Variants in ACCSL observed in about 807,000 individuals in gnomAD.
ACCSL encodes 1-aminocyclopropane-1-carboxylate synthase homolog (inactive) like.
ACCSL carries 55 observed loss-of-function variants against 61.7 expected under a neutral mutation model. That is an observed-to-expected ratio of 0.89 (90% CI 0.72 to 1.12). The LOEUF (loss-of-function observed/expected upper bound fraction) is 1.12, where lower values mean the gene tolerates loss of function less well. Among genes scored for constraint, ACCSL ranks in the 50% most tolerant of loss-of-function variants. ACCSL has a pLI of 0.00. For synonymous variants in ACCSL, 258 were observed against 264.3 expected, an observed-to-expected ratio of 0.98 and a Z score of 0.23; for missense variants, 632 against 698.0, an observed-to-expected ratio of 0.91 and a Z score of 1.07.
At position 44,048,405 on chromosome 11, in the gene ACCSL, G is replaced by C. The variant is rs750473048; in HGVS notation, c.369G>C (p.Leu123=). Residue 123 remains leucine, a synonymous_variant, in exon 1 of 14, where the codon CTG becomes CTC. Transcript: ENST00000378832. ...LSGQPDPVPQ[L]SDCEAAFVNR... ...GGCAGCCTGATCCAGTTCCCCAACT[G>C]AGTGATTGTGAAGCTGCCTTTGTCA... 6.2e-7 allele frequency: 1 copy of C among 1,614,192 alleles called. No homozygotes were observed. Among genetic ancestry groups the C allele is most frequent in the Admixed American group, 1.7e-5 (1 of 60,034 alleles).
the ACCSL span, among the ~76,000 whole-genome samples, chr11:43,977,506 A>G: frequency 6.6e-6 from 1 of 152,220 alleles, no homozygotes; most frequent in Non-Finnish European, 1.5e-5. Context: ...TAGAAGCTGG[A>G]AAGAACAAGG....
intron 5 of ACCSL, 107 bp downstream of exon 5, chr11:44,051,826 T>A (rs761858035): frequency 3.0e-5 from 41 of 1,374,160 alleles, no homozygotes; most frequent in Non-Finnish European, 4.2e-5. Context: ...CTCAAGGCCT[T>A]TTCCCCAAAG....
At chr11:44,005,061 C>T in the ACCSL span, among the ~76,000 whole-genome samples, 1 of 150,236 alleles carries the variant, frequency 6.7e-6, no homozygotes, top group South Asian at 2.2e-4. Flanking sequence ...CCACCCACCC[C>T]TTCTCCCCCG....
the ACCSL span, among the ~76,000 whole-genome samples, chr11:43,950,392 A>G: frequency 6.6e-6 from 1 of 152,352 alleles, no homozygotes; most frequent in East Asian, 1.9e-4. Flanking sequence ...CACAAGGGCA[A>G]GTGGGTGAGG....
chr11:44,055,061 C>A, intron 8 of ACCSL, 141 bp from the exon 9 acceptor site: 2 of 580,772 alleles, frequency 3.4e-6, no homozygotes, highest in Admixed American at 2.8e-5. Flanking sequence ...GCTGCTGGGG[C>A]AGTAGGAGTG....
the ACCSL span, among the ~76,000 whole-genome samples, chr11:43,934,247 A>C: frequency 6.6e-6 from 1 of 152,194 alleles, no homozygotes; most frequent in African/African-American, 2.4e-5. Context: ...TACCAGACGA[A>C]GTGCTAATTC....
At chr11:43,926,601 A>G in the ACCSL span, 1 of 339,350 alleles carries the variant, frequency 2.9e-6, no homozygotes, top group South Asian at 2.2e-5. Context: ...ATAGAAGTAA[A>G]CCCATGTGGC....
At chr11:44,003,598 G>A in the ACCSL span, among the ~76,000 whole-genome samples, 2 of 150,996 alleles carry the variant, frequency 1.3e-5, no homozygotes, top group Non-Finnish European at 2.9e-5. Context: ...AGCTGAGATC[G>A]CGCCACTACA....
At chr11:43,994,529 T>C in the ACCSL span, among the ~76,000 whole-genome samples, 3 of 152,190 alleles carry the variant, frequency 2.0e-5, no homozygotes, top group Non-Finnish European at 4.4e-5. Flanking sequence ...TGTGTGTGTG[T>C]GTCTGTGTGT....
the ACCSL span, among the ~76,000 whole-genome samples, chr11:44,023,529 C>G: frequency 0.37 from 56,281 of 151,332 alleles, 11,025 homozygotes; most frequent in Admixed American, 0.41. Flanking sequence ...TTTTGTAACT[C>G]GAATTTTTTC....
chr11:43,924,726 G>C, the ACCSL span, among the ~76,000 whole-genome samples: 1 of 152,238 alleles, frequency 6.6e-6, no homozygotes, highest in African/African-American at 2.4e-5. Flanking sequence ...CTGCCTGGGG[G>C]TTCGGTCAGG....
the ACCSL span, among the ~76,000 whole-genome samples, chr11:43,954,397 A>C: frequency 4.9e-4 from 74 of 152,224 alleles, no homozygotes; most frequent in African/African-American, 1.6e-3. Context: ...GTCTGCAGCA[A>C]AATGGGGGCG....
Position 44,058,370 on chromosome 11 carries a change from C to T in ACCSL, c.1381C>T (p.His461Tyr). The change falls in exon 12 of 14, where the codon CAC becomes TAC. Residue 461 changes from histidine to tyrosine, a missense_variant. Transcript: ENST00000378832. Reference sequence around the variant, plus strand: ...CAATTGCTACCGGCTCCGGGAAGCTCACAAGTACATCACTGCTGAGCTGAA... The same window carrying T: ...CAATTGCTACCGGCTCCGGGAAGCTTACAAGTACATCACTGCTGAGCTGAA... ...PTNCYRLREA[H>Y]KYITAELKAL... The T allele has an allele frequency of 6.2e-7, 1 of 1,614,138 alleles. No individual in the cohort carries two copies.
At chr11:43,982,062 T>C in the ACCSL span, among the ~76,000 whole-genome samples, 1 of 152,084 alleles carries the variant, frequency 6.6e-6, no homozygotes, top group Non-Finnish European at 1.5e-5. Context: ...GGGGGAGCTG[T>C]TGGTGGGTTC....
At chr11:43,967,182 T>TA in the ACCSL span, among the ~76,000 whole-genome samples, 16 of 129,884 alleles carry the variant, frequency 1.2e-4, no homozygotes, top group Non-Finnish European at 2.3e-4. Context: ...TTTTTTTTTT[T>TA]TTTTTTTTTT....
rs779808371 is a variant in ACCSL, at chr11:44,053,418, C to A, written c.961C>A (p.Arg321=). The A allele has an allele frequency of 1.9e-6, 3 of 1,614,070 alleles. No homozygotes were observed. Among genetic ancestry groups the A allele is most frequent in the Non-Finnish European group, 2.5e-6 (3 of 1,179,980 alleles). ...GGGTTTTTCTTAGGGGAAAAAGGTC[C>A]GAGGCCTTGTGCTAATCAACCCTCA... ...LEARLEGKKV[R]GLVLINPQNP... is the part of the protein sequence containing the mutation. The change falls in exon 8 of 14, where the codon CGA becomes AGA. Residue 321 remains arginine, a synonymous_variant. Coordinates refer to ENST00000378832, the MANE Select transcript of ACCSL (RefSeq NM_001031854.2).
At chr11:43,971,454 G>A in the ACCSL span, 1 of 152,224 alleles carries the variant, frequency 6.6e-6, no homozygotes, top group African/African-American at 2.4e-5. Flanking sequence ...AGAGGAAACT[G>A]AGGCTGAGAG....
At chr11:43,992,105 G>A in the ACCSL span, among the ~76,000 whole-genome samples, 1 of 136,364 alleles carries the variant, frequency 7.3e-6, no homozygotes, top group African/African-American at 2.7e-5. Context: ...AGGCTGGAGT[G>A]CAGAGGCGTG....
At position 44,051,362 on chromosome 11, in the gene ACCSL, G is replaced by T. The variant is rs758259505; in HGVS notation, c.663G>T (p.Leu221=). 23 of 1,614,178 alleles carry T rather than the reference G, an allele frequency of 1.4e-5. No individual in the cohort carries two copies. In the South Asian group the frequency reaches 2.3e-4, roughly 16 times the overall value. Residue 221 remains leucine, a synonymous_variant, in exon 4 of 14, where the codon CTG becomes CTT. Transcript: ENST00000378832. ...TGCGGGAAGAAGTGGCCCGGTTCCT[G>T]ACCTACTACTGCAGGGCACCTACCC... ...PFLREEVARF[L]TYYCRAPTRL...
Sources: gnomAD v4.1 joint callset for allele counts (sites outside exome capture counted in the v4.1 genomes callset) on GRCh38, gnomAD v4.1.1 for gene constraint, MANE v1.5 for transcripts, NCBI Gene and HGNC (gene_info 2026-07-23, HGNC 2026-07-21) for gene names.